The following DCAF1 variants were observed in gnomAD, a reference collection of about 807,000 sequenced individuals.
The protein encoded by DCAF1 is DDB1- and CUL4-associated factor 1.
DCAF1 carries 15 observed loss-of-function variants against 128.0 expected under a neutral mutation model. The observed-to-expected ratio is 0.12, with a 90% CI of 0.08 to 0.18. The LOEUF is 0.18. Among genes scored for constraint, DCAF1 ranks in the 10% least tolerant of loss-of-function variants. The pLI is 1.00. For synonymous variants in DCAF1, 610 were observed against 603.0 expected, an observed-to-expected ratio of 1.01 and a Z score of -0.17; for missense variants, 988 against 1,649.5, an observed-to-expected ratio of 0.60 and a Z score of 6.95.
In DCAF1 at chr3:51,418,661, T is replaced by A; in HGVS notation, c.3435+17A>T. On this transcript the variant is annotated intron_variant, in intron 16 of 24. Transcript: ENST00000684031. The stretch of plus-strand genomic sequence containing the variant: ...CTTGGAAGAATGACTGAGAGCATCC[T>A]AGGAAGGAACCCTTACCCTGGAAGG... 6.3e-7 allele frequency: 1 copy of A among 1,599,406 alleles called. No homozygotes were observed. Among genetic ancestry groups the A allele is most frequent in the Non-Finnish European group, 8.5e-7 (1 of 1,172,698 alleles).
At chr3:51,481,915 T>G (rs1706247412) in intron 3 of DCAF1, among the ~76,000 whole-genome samples, 1 of 152,076 alleles carries the variant, frequency 6.6e-6, no homozygotes, top group African/African-American at 2.4e-5. Flanking sequence ...TGCTTGAACC[T>G]GGCAGGTGGA....
chr3:51,399,974 T>A (rs782579510), intron 24 of DCAF1, among the ~76,000 whole-genome samples: 8 of 152,146 alleles, frequency 5.3e-5, no homozygotes, highest in Non-Finnish European at 7.3e-5. Context: ...TCCCAAACCT[T>A]CCTTCATTCA....
At chr3:51,496,950 A>C (rs1421255000) in intron 1 of DCAF1, among the ~76,000 whole-genome samples, 170 bp from the exon 2 acceptor site, 2 of 152,166 alleles carry the variant, frequency 1.3e-5, no homozygotes, top group African/African-American at 4.8e-5. Context: ...TGATTCCACA[A>C]AATATATATA....
intron 6 of DCAF1, among the ~76,000 whole-genome samples, chr3:51,450,936 C>A (rs1702280255): frequency 6.6e-6 from 1 of 151,812 alleles, no homozygotes; most frequent in Admixed American, 6.6e-5. Context: ...ATGTGTAAAA[C>A]CCTAAAGACT....
At chr3:51,432,457 G>A (rs1700476243) in intron 10 of DCAF1, among the ~76,000 whole-genome samples, 2 of 150,724 alleles carry the variant, frequency 1.3e-5, no homozygotes, top group Non-Finnish European at 3.0e-5. Context: ...GACTAGGTCT[G>A]TTGTGTGTTT....
At position 51,414,877 on chromosome 3, in the gene DCAF1, G is replaced by A. The variant is rs1003399811; in HGVS notation, c.3604-20C>T. 6.2e-7 allele frequency: 1 copy of A among 1,603,450 alleles called. No individual in the cohort carries two copies. The highest frequency in any genetic ancestry group is 8.5e-7 in the Non-Finnish European group (1 of 1,172,586). On this transcript the variant is annotated intron_variant, in intron 18 of 24. Transcript: ENST00000684031. ...ATAAATCTTTAGAGAAGAAGGGATG[G>A]GAAGAGAAAAATCAGACCAATCCAT...
intron 9 of DCAF1, among the ~76,000 whole-genome samples, chr3:51,437,616 G>A (rs376414458): frequency 1.0e-3 from 159 of 152,208 alleles, no homozygotes; most frequent in South Asian, 3.5e-3. Context: ...GAGTTCGAGA[G>A]TAGCTTGGGC....
chr3:51,407,706 G>C (rs1697994032), intron 23 of DCAF1, among the ~76,000 whole-genome samples: 1 of 152,160 alleles, frequency 6.6e-6, no homozygotes, highest in Non-Finnish European at 1.5e-5. Context: ...ACAGGCACCA[G>C]GTTGGGCGCG....
rs148053645 is a variant in DCAF1 at position 51,464,713 on chromosome 3, G to C, written c.262-1486C>G. 5.0e-3 allele frequency among the ~76,000 whole-genome samples: 754 copies of C among 152,122 alleles called. 4 individuals carry two copies. Among genetic ancestry groups the C allele is most frequent in the Non-Finnish European group, 7.9e-3 (535 of 67,984 alleles). On this transcript the variant is annotated intron_variant, in intron 5 of 24. Coordinates refer to ENST00000684031, the MANE Select transcript of DCAF1 (RefSeq NM_001387579.1). Reference sequence around the variant, plus strand: ...AAAAAAGATGTGTAATTCAATAGAGGTGACAGTTGGGAAAACAAGTAATAC... The same window carrying C: ...AAAAAAGATGTGTAATTCAATAGAGCTGACAGTTGGGAAAACAAGTAATAC...
chr3:51,501,165 T>C (rs1708788787), upstream of DCAF1, among the ~76,000 whole-genome samples: 5 of 152,194 alleles, frequency 3.3e-5, no homozygotes, highest in Admixed American at 2.0e-4. Context: ...TAGATACTTA[T>C]TGCCAGGTTA....
intron 6 of DCAF1, among the ~76,000 whole-genome samples, chr3:51,447,594 T>C (rs782548200): frequency 1.7e-4 from 26 of 152,174 alleles, no homozygotes; most frequent in Non-Finnish European, 3.4e-4. Flanking sequence ...TCCACTGACA[T>C]GTTATGAAGA....
intron 6 of DCAF1, among the ~76,000 whole-genome samples, chr3:51,451,460 GTA>G (rs1702343876): frequency 6.6e-6 from 1 of 151,074 alleles, no homozygotes; most frequent in South Asian, 2.1e-4. Context: ...CTATTTTTTC[GTA>G]TATATTTAAA....
chr3:51,478,562 AC>A (rs1705765894), intron 3 of DCAF1, among the ~76,000 whole-genome samples: 1 of 150,376 alleles, frequency 6.6e-6, no homozygotes, highest in Admixed American at 7.0e-5. Context: ...TCAATTATAC[AC>A]ATGTTAACAG....
Position 51,430,227 on chromosome 3 carries a change from A to C in DCAF1, c.1288-15T>G, listed in dbSNP as rs782016412. 11 of 770,156 alleles carry C rather than the reference A, an allele frequency of 1.4e-5. No individual in the cohort carries two copies. Among genetic ancestry groups the C allele is most frequent in the Non-Finnish European group, 2.7e-5 (11 of 411,204 alleles). 47.7% of individuals were successfully genotyped at this position (770,156 alleles called of 1,614,324 possible). On this transcript the variant is annotated splice_polypyrimidine_tract_variant and intron_variant, in intron 10 of 24. Coordinates refer to ENST00000684031, the MANE Select transcript of DCAF1 (RefSeq NM_001387579.1). ...TGCATGCAAACCTGCAAAAAAATAC[A>C]AATAAAACAATGCTTTTAAATTGTG...
intron 9 of DCAF1, among the ~76,000 whole-genome samples, chr3:51,438,571 TAA>T (rs1281803446): frequency 2.0e-5 from 3 of 152,236 alleles, no homozygotes; most frequent in East Asian, 1.9e-4. Context: ...AGCACAAAAA[TAA>T]AAAGTTATTT....
At chr3:51,425,237 G>A (rs1406913956) in intron 13 of DCAF1, among the ~76,000 whole-genome samples, 1 of 152,124 alleles carries the variant, frequency 6.6e-6, no homozygotes, top group Admixed American at 6.5e-5. Context: ...TTGAGAGGCT[G>A]AGGCAGGCAG....
At chr3:51,504,668 G>A (rs1437904318), upstream of DCAF1, among the ~76,000 whole-genome samples, 1 of 152,132 alleles carries the variant, frequency 6.6e-6, no homozygotes, top group Non-Finnish European at 1.5e-5. Context: ...TTTTTAGAAA[G>A]ACCATTCTAC....
Position 51,407,762 on chromosome 3 carries a change from C to T in DCAF1, c.4213-4367G>A, listed in dbSNP as rs562986737. Among the ~76,000 whole-genome samples, 6 of 151,904 alleles carry T rather than the reference C, an allele frequency of 3.9e-5. No homozygotes were observed. In the East Asian group the frequency reaches 1.2e-3, roughly 30 times the overall value. On this transcript the variant is annotated intron_variant, in intron 23 of 24. Coordinates refer to ENST00000684031, the MANE Select transcript of DCAF1 (RefSeq NM_001387579.1). ...CAGCACTTTGGGAGGCCGAGGTGGGCGGATCACCTGAGGTCAGGAGTTCGA... is the reference window on the plus strand; with the variant it reads ...CAGCACTTTGGGAGGCCGAGGTGGGTGGATCACCTGAGGTCAGGAGTTCGA...
chr3:51,445,662 T>C (rs558644774), intron 6 of DCAF1, among the ~76,000 whole-genome samples: 12 of 152,210 alleles, frequency 7.9e-5, no homozygotes, highest in Non-Finnish European at 1.6e-4. Context: ...GCTAGCCAAG[T>C]ATCTAACATA....
Sources: gnomAD v4.1 joint callset for allele counts (sites outside exome capture counted in the v4.1 genomes callset) on GRCh38, gnomAD v4.1.1 for gene constraint, MANE v1.5 for transcripts, NCBI Gene and HGNC (gene_info 2026-07-23, HGNC 2026-07-21) for gene names.